Variants in PSG2 observed in about 807,000 individuals in gnomAD.
The protein encoded by PSG2 is pregnancy-specific beta-1-glycoprotein 2.
Under a neutral mutation model 36.2 loss-of-function variants are expected in PSG2, and 49 were observed. The ratio of observed to expected loss-of-function variants is 1.35; its 90% confidence interval spans 1.08 to 1.72. PSG2 has a LOEUF of 1.72. Ranked by LOEUF, PSG2 falls within the 40% of genes most tolerant of loss-of-function variation. The pLI, the probability that PSG2 is intolerant of heterozygous loss-of-function variation, is 0.00. For missense variants in PSG2, 605 were observed against 407.2 expected (o/e 1.49, Z -4.18); for synonymous variants, 261 against 155.6 (o/e 1.68, Z -5.04).
chr19:43,073,349 A>G (rs1967846218), intron 3 of PSG2, among the ~76,000 whole-genome samples: 1 of 151,772 alleles, frequency 6.6e-6, no homozygotes, highest in African/African-American at 2.4e-5. Flanking sequence ...GAGCAGAAGC[A>G]TGTTCCCTGT....
In PSG2 at chr19:43,075,242, C is replaced by T. The variant is rs60218858; in HGVS notation, c.709+112G>A. On this transcript the variant is annotated intron_variant, in intron 3 of 5. Transcript: ENST00000406487. ...CAGAAAGTCATGGCCAGCTTTGATG[C>T]CTAGGGGTAAAGGTCTCTGTACTTG... is the stretch of plus-strand genomic sequence containing the variant. 8.5e-3 allele frequency: 13,677 copies of T among 1,602,880 alleles called. 219 individuals are homozygous for T. Among genetic ancestry groups the T allele is most frequent in the Non-Finnish European group, 0.01 (11,927 of 1,172,682 alleles).
intron 1 of PSG2, chr19:43,081,931 G>C (rs1967983078): frequency 6.5e-6 from 1 of 152,810 alleles, no homozygotes. Flanking sequence ...ATCTGATATA[G>C]TTATTATTAT....
Position 43,072,012 on chromosome 19 carries a change from G to A in PSG2, c.710-58C>T, listed in dbSNP as rs34094925. The A allele has an allele frequency of 6.3e-6, 10 of 1,584,770 alleles. No individual in the cohort carries two copies. In the East Asian group the frequency reaches 1.8e-4, roughly 28 times the overall value. On this transcript the variant is annotated intron_variant, in intron 3 of 5. Transcript: ENST00000406487. ...CCATCTGAGGGAAGGGGATGCTCCT[G>A]GTCTCTTAAAGGGACACAGTGACCC...
intron 2 of PSG2, among the ~76,000 whole-genome samples, chr19:43,078,573 C>CA (rs1967929076): frequency 6.6e-6 from 1 of 151,598 alleles, no homozygotes; most frequent in South Asian, 2.1e-4. Context: ...GATTCCAGCA[C>CA]AAACTGATCA....
At chr19:43,073,381 C>T (rs1967846603) in intron 3 of PSG2, among the ~76,000 whole-genome samples, 5 of 151,868 alleles carry the variant, frequency 3.3e-5, no homozygotes, top group Non-Finnish European at 4.4e-5. Context: ...TAAGTTTCCT[C>T]TCCTTCTGCA....
intron 2 of PSG2, among the ~76,000 whole-genome samples, chr19:43,079,816 A>G (rs530324219): frequency 6.6e-6 from 1 of 151,780 alleles, no homozygotes; most frequent in South Asian, 2.1e-4. Flanking sequence ...AATAAATGAC[A>G]TGGGGTCCTT....
chr19:43,070,617 T>C (rs1437431784), intron 4 of PSG2, among the ~76,000 whole-genome samples: 1 of 151,682 alleles, frequency 6.6e-6, no homozygotes, highest in East Asian at 1.9e-4. Context: ...TATTATATAA[T>C]TCCATTTATA....
In PSG2 at chr19:43,075,383, C is replaced by A. The variant is rs746390233; in HGVS notation, c.680G>T (p.Arg227Leu). ...CEIRNSGSASRSDPVTLNLLH... is the reference protein window; with the variant it reads ...CEIRNSGSASLSDPVTLNLLH... ...GAGATTCAGGGTGACTGGGTCACTG[C>A]GGCTGGCACTCCCTGAGTTCCGTAT... The change falls in exon 3 of 6, where the codon CGC becomes CTC. Residue 227 changes from arginine (R) to leucine (L), a missense_variant. By Grantham distance (102) the Arg-to-Leu change is moderately radical (BLOSUM62 -2). Transcript: ENST00000406487. The A allele has an allele frequency of 2.5e-6, 4 of 1,613,084 alleles. No homozygotes were observed. Among genetic ancestry groups the A allele is most frequent in the Non-Finnish European group, 2.5e-6 (3 of 1,179,626 alleles).
intron 3 of PSG2, chr19:43,072,521 C>A: frequency 6.2e-7 from 1 of 1,611,206 alleles, no homozygotes; most frequent in Non-Finnish European, 8.5e-7. Flanking sequence ...ATTTAGCCAC[C>A]AAATGTAGGT....
At chr19:43,076,138 C>T (rs1967892798) in intron 2 of PSG2, among the ~76,000 whole-genome samples, 1 of 151,650 alleles carries the variant, frequency 6.6e-6, no homozygotes, top group East Asian at 1.9e-4. Flanking sequence ...GGACTGGGTA[C>T]TTCAGCATAA....
intron 5 of PSG2, chr19:43,065,394 A>G (rs1471495352): frequency 6.6e-6 from 1 of 151,584 alleles, no homozygotes; most frequent in East Asian, 1.9e-4. Context: ...TCATTGATTT[A>G]GTTTTAAGTT....
intron 5 of PSG2, among the ~76,000 whole-genome samples, chr19:43,066,074 C>T (rs1967735287): frequency 6.6e-6 from 1 of 151,618 alleles, no homozygotes; most frequent in Admixed American, 6.6e-5. Flanking sequence ...GAGTAGACCC[C>T]TGCAGATTCT....
rs1163205173 is a variant in PSG2 at position 43,075,279 on chromosome 19, G to T, written c.709+75C>A. ...GGTCTCTGTACTTGGACCTGAGAGG[G>T]ACTGAGAGGCCTGGCCTCTGGCCAT... On this transcript the variant is annotated intron_variant, in intron 3 of 5. Coordinates refer to ENST00000406487, the MANE Select transcript of PSG2 (RefSeq NM_031246.4). 8 of 1,612,138 alleles carry T rather than the reference G, an allele frequency of 5.0e-6. 1 individual carries two copies. In the African/African-American group the frequency reaches 5.4e-5, roughly 11 times the overall value.
chr19:43,074,176 C>G (rs1967859103), intron 3 of PSG2, among the ~76,000 whole-genome samples: 1 of 151,514 alleles, frequency 6.6e-6, no homozygotes, highest in African/African-American at 2.4e-5. Flanking sequence ...TTGTGGCAGT[C>G]ATTAATAAGA....
chr19:43,073,019 C>T (rs369311721), intron 3 of PSG2, among the ~76,000 whole-genome samples: 1 of 151,646 alleles, frequency 6.6e-6, no homozygotes, highest in Non-Finnish European at 1.5e-5. Flanking sequence ...CTTTGCCCCC[C>T]TAGATGTGAT....
chr19:43,080,906 A>G lies in PSG2; in HGVS notation c.405T>C (p.Thr135=). The change falls in exon 2 of 6, where the codon ACT becomes ACC. Residue 135 remains threonine (T), a synonymous_variant. Coordinates refer to ENST00000406487, the MANE Select transcript of PSG2 (RefSeq NM_031246.4). Reference sequence around the variant, plus strand: ...GGTATAAGGTGAAGGTGAAATATCCAGTTACTCCTCTAGTCCCATCACCTC... The same window carrying G: ...GGTATAAGGTGAAGGTGAAATATCCGGTTACTCCTCTAGTCCCATCACCTC... ...IKRGDGTRGV[T]GYFTFTLYLE... is the part of the protein sequence containing the mutation. 6.2e-7 allele frequency: 1 copy of G among 1,612,568 alleles called. No individual in the cohort carries two copies. Among genetic ancestry groups the G allele is most frequent in the Non-Finnish European group, 8.5e-7 (1 of 1,179,382 alleles).
chr19:43,080,344 T>G lies in PSG2; in HGVS notation c.430+537A>C, dbSNP rs142071603. ...AGATGAGGCTCTGAGGGCTGAGCCC[T>G]AGCTGGTGAACAGCTCCAGGAGACA... is the stretch of plus-strand genomic sequence containing the variant. On this transcript the variant is annotated intron_variant, in intron 2 of 5. Transcript: ENST00000406487. Among the ~76,000 whole-genome samples the G allele has an allele frequency of 5.4e-4, 82 of 151,876 alleles. 1 individual carries two copies. In the East Asian group the frequency reaches 0.016, roughly 29 times the overall value.
At chr19:43,069,442 C>T (rs1005832769) in intron 4 of PSG2, among the ~76,000 whole-genome samples, 1 of 151,758 alleles carries the variant, frequency 6.6e-6, no homozygotes, top group African/African-American at 2.4e-5. Flanking sequence ...AGGACTCACA[C>T]TTTCTGATTT....
chr19:43,074,866 GGTGA>G (rs965365228), intron 3 of PSG2, among the ~76,000 whole-genome samples: 10 of 151,606 alleles, frequency 6.6e-5, no homozygotes, highest in Non-Finnish European at 1.5e-5. Flanking sequence ...TCTGCCAGTG[GGTGA>G]GTGTCTGTGA....
Sources: allele counts gnomAD v4.1 joint callset (sites outside exome capture counted in the v4.1 genomes callset), GRCh38; gene constraint gnomAD v4.1.1; transcripts MANE v1.5; gene names NCBI Gene and HGNC (gene_info 2026-07-23, HGNC 2026-07-21).